Variants in RTN4 observed in about 807,000 individuals in gnomAD.
RTN4 encodes reticulon-4.
RTN4 carries 32 observed loss-of-function variants against 90.4 expected under a neutral mutation model. The observed-to-expected ratio is 0.35, with a 90% confidence interval of 0.27 to 0.48. RTN4 has a LOEUF of 0.48. Ranked by LOEUF, RTN4 falls within the 20% of genes least tolerant of loss-of-function variation. RTN4 has a pLI of 0.99. For synonymous variants in RTN4, 629 were observed against 552.5 expected (o/e 1.14, Z -1.94); for missense variants, 1,706 against 1,430.2 (o/e 1.19, Z -3.11).
chr2:55,103,569 T>C (rs957581150), intron 1 of RTN4, among the ~76,000 whole-genome samples: 2 of 152,058 alleles, frequency 1.3e-5, no homozygotes, highest in South Asian at 2.1e-4. Flanking sequence ...ATGGTCTTGA[T>C]GGTAGTGATG....
chr2:54,991,918 G>A (rs965653621), intron 3 of RTN4, among the ~76,000 whole-genome samples: 2 of 152,126 alleles, frequency 1.3e-5, no homozygotes, highest in African/African-American at 4.8e-5. Flanking sequence ...TTAAAAGTTT[G>A]AAAAATGATA....
At chr2:55,084,319 T>A (rs1164079584) in intron 1 of RTN4, among the ~76,000 whole-genome samples, 118 of 140,602 alleles carry the variant, frequency 8.4e-4, no homozygotes, top group Non-Finnish European at 1.6e-3. Context: ...TTTTTTTTTT[T>A]AAATAGAGGT....
intron 2 of RTN4, among the ~76,000 whole-genome samples, 177 bp from the exon 3 acceptor site, chr2:55,027,662 G>A (rs1573422053): frequency 1.3e-5 from 2 of 151,278 alleles, no homozygotes; most frequent in African/African-American, 2.5e-5. Context: ...AAAATATTAA[G>A]CTATTGTAAA....
intron 3 of RTN4, among the ~76,000 whole-genome samples, chr2:55,016,152 A>G (rs1419909583): frequency 6.6e-6 from 1 of 152,248 alleles, no homozygotes; most frequent in Non-Finnish European, 1.5e-5. Flanking sequence ...AACACTAAGT[A>G]CAAAAAATCA....
At chr2:55,068,679 G>A (rs116728870) in intron 2 of RTN4, among the ~76,000 whole-genome samples, 9,771 of 85,966 alleles carry the variant, frequency 0.11, 434 homozygotes, top group African/African-American at 0.33. Context: ...CAAAAAAAAA[G>A]GGGGGGGGGT....
At position 54,973,075 on chromosome 2, in the gene RTN4, C is replaced by T. The variant is rs543100236; in HGVS notation, c.*81G>A. On this transcript the variant is annotated 3_prime_UTR_variant, in exon 9 of 9. Transcript: ENST00000337526. Reference sequence around the variant, plus strand: ...GAAACTGCACTGCAACGTCAAGGTTCGTTCTTCCCTGACCCTCCCCCGTAT... The same window carrying T: ...GAAACTGCACTGCAACGTCAAGGTTTGTTCTTCCCTGACCCTCCCCCGTAT... 13 of 1,157,798 alleles carry T rather than the reference C, an allele frequency of 1.1e-5. No homozygotes were observed. The East Asian group carries it at 2.2e-4, about 19-fold the overall frequency. The allele number at this position is 1,157,798 out of a possible 1,614,324, so 71.7% of individuals were successfully genotyped here. A position where few individuals can be genotyped will look rare whatever the true frequency, so the allele number is the denominator to read the frequency against.
intron 5 of RTN4, among the ~76,000 whole-genome samples, chr2:54,981,255 A>G (rs1678097649): frequency 6.6e-6 from 1 of 151,904 alleles, no homozygotes; most frequent in South Asian, 2.1e-4. Context: ...CGTATCAACT[A>G]CTAGGTTATA....
intron 1 of RTN4, among the ~76,000 whole-genome samples, chr2:55,034,380 T>TA (rs1215729978): frequency 6.6e-6 from 1 of 152,036 alleles, no homozygotes; most frequent in Non-Finnish European, 1.5e-5. Context: ...CGTGTGCCTA[T>TA]AGTCCCACCT....
At chr2:55,055,331 T>C (rs980909371), upstream of RTN4, among the ~76,000 whole-genome samples, 6 of 151,910 alleles carry the variant, frequency 3.9e-5, no homozygotes, top group Admixed American at 6.6e-5. Context: ...GTCCACAAAA[T>C]TTAACAACTC....
At chr2:55,087,976 C>T (rs1271789667) in intron 1 of RTN4, among the ~76,000 whole-genome samples, 3 of 152,220 alleles carry the variant, frequency 2.0e-5, no homozygotes, top group Admixed American at 6.5e-5. Flanking sequence ...GTTCATTCCC[C>T]TTCTCTATTC....
At chr2:55,038,588 C>T (rs1682851968) in intron 1 of RTN4, among the ~76,000 whole-genome samples, 1 of 152,132 alleles carries the variant, frequency 6.6e-6, no homozygotes, top group African/African-American at 2.4e-5. Flanking sequence ...TACATAACCA[C>T]TAAAATGGTT....
chr2:55,086,563 G>A (rs1487504654), intron 1 of RTN4, among the ~76,000 whole-genome samples: 2 of 151,974 alleles, frequency 1.3e-5, no homozygotes, highest in African/African-American at 4.8e-5. Flanking sequence ...CCAACTGCTA[G>A]GGAGGCTGAG....
At chr2:55,134,641 G>A in the RTN4 span, among the ~76,000 whole-genome samples, 1 of 152,206 alleles carries the variant, frequency 6.6e-6, no homozygotes, top group African/African-American at 2.4e-5. Context: ...AAATGAGGAA[G>A]AAGAAAGGGT....
Position 54,985,153 on chromosome 2 carries a change from C to CTTTTTTTTTTTTT in RTN4, c.3221+2325_3221+2337dup, listed in dbSNP as rs71769973. Among the ~76,000 whole-genome samples the CTTTTTTTTTTTTT allele has an allele frequency of 5.2e-5, 3 of 57,894 alleles. 1 individual carries two copies. The highest frequency in any genetic ancestry group is 6.0e-4 in the Admixed American group (2 of 3,348). The allele number at this position is 57,894 out of a possible 152,430, so 38.0% of individuals were successfully genotyped here. ...TGGCTTGATAATAATATGACTCGGC[C>CTTTTTTTTTTTTT]TTTTTTTTTTTTTTTTTTTTTTTTT... On this transcript the variant is annotated intron_variant, in intron 4 of 8. Transcript: ENST00000337526.
At chr2:55,118,126 G>C in the RTN4 span, among the ~76,000 whole-genome samples, 88,960 of 151,914 alleles carry the variant, frequency 0.59, 26,210 homozygotes, top group African/African-American at 0.66. Context: ...CCACACTTTG[G>C]ATAGCACCGA....
chr2:55,080,555 T>A (rs991005662), exon 2 of RTN4: 3 of 152,226 alleles, frequency 2.0e-5, no homozygotes, highest in Non-Finnish European at 4.4e-5. Flanking sequence ...GACATAATTT[T>A]TATACCCTTC....
chr2:54,980,829 C>T (rs1295973657), intron 5 of RTN4, among the ~76,000 whole-genome samples: 1 of 152,300 alleles, frequency 6.6e-6, no homozygotes, highest in Middle Eastern at 3.4e-3. Flanking sequence ...GTACCTCCTC[C>T]TCAATCACTT....
At chr2:54,984,421 C>T (rs1159989927) in intron 4 of RTN4, among the ~76,000 whole-genome samples, 3 of 152,174 alleles carry the variant, frequency 2.0e-5, no homozygotes, top group African/African-American at 4.8e-5. Context: ...CTCAAATACT[C>T]GCACTGATAT....
chr2:55,129,112 AAAAAAAAAAG>A, the RTN4 span, among the ~76,000 whole-genome samples: 1 of 151,048 alleles, frequency 6.6e-6, no homozygotes, highest in African/African-American at 2.4e-5. Flanking sequence ...TCCGTCTCAA[AAAAAAAAAAG>A]AAAAAAAAAA....
Sources: allele counts gnomAD v4.1 joint callset (sites outside exome capture counted in the v4.1 genomes callset), GRCh38; gene constraint gnomAD v4.1.1; transcripts MANE v1.5; gene names NCBI Gene and HGNC (gene_info 2026-07-23, HGNC 2026-07-21).